The following RPTOR variants were observed in gnomAD, a reference collection of about 807,000 sequenced individuals.
RPTOR encodes regulatory-associated protein of mTOR.
A neutral mutation model predicts 169.9 loss-of-function variants in RPTOR; 21 were observed. That is an observed-to-expected ratio of 0.12 (90% confidence interval 0.09 to 0.18). The LOEUF (loss-of-function observed/expected upper bound fraction) is 0.18. RPTOR is among the 10% of genes least tolerant of loss of function. The pLI is 1.00. For synonymous variants in RPTOR, 732 were observed against 753.2 expected (o/e 0.97, Z 0.46); for missense variants, 1,133 against 1,855.9 (o/e 0.61, Z 7.16).
At chr17:80,594,130 A>T (rs187595614) in intron 1 of RPTOR, among the ~76,000 whole-genome samples, 1 of 150,824 alleles carries the variant, frequency 6.6e-6, no homozygotes, top group South Asian at 2.1e-4. Flanking sequence ...GTCTCGCTCT[A>T]TCACCCAGGC....
At chr17:80,716,909 T>C (rs1383775481) in intron 4 of RPTOR, among the ~76,000 whole-genome samples, 2 of 152,204 alleles carry the variant, frequency 1.3e-5, no homozygotes, top group Non-Finnish European at 2.9e-5. Flanking sequence ...GAGTTCTCTA[T>C]TGTGTTCCGT....
At chr17:80,932,674 C>T (rs2068912400) in intron 24 of RPTOR, among the ~76,000 whole-genome samples, 2 of 152,190 alleles carry the variant, frequency 1.3e-5, no homozygotes, top group Non-Finnish European at 2.9e-5. Flanking sequence ...CAAAATGAAG[C>T]ACAAAGACTA....
intron 7 of RPTOR, among the ~76,000 whole-genome samples, chr17:80,814,689 A>G (rs2138125): frequency 0.51 from 77,502 of 152,100 alleles, 20,151 homozygotes; most frequent in African/African-American, 0.6. Context: ...AAATATGTAC[A>G]CGGCATCTGT....
chr17:80,858,272 T>G, intron 13 of RPTOR: 1 of 281,860 alleles, frequency 3.5e-6, no homozygotes. Context: ...TGGCATAAAC[T>G]TGGCCTCTGC....
At chr17:80,953,522 C>G (rs2069209081) in intron 28 of RPTOR, among the ~76,000 whole-genome samples, 1 of 152,252 alleles carries the variant, frequency 6.6e-6, no homozygotes, top group East Asian at 1.9e-4. Context: ...TGCCCCAGGT[C>G]TCAGAGTGGG....
chr17:80,579,736 A>G (rs140835519), intron 1 of RPTOR, among the ~76,000 whole-genome samples: 354 of 152,358 alleles, frequency 2.3e-3, no homozygotes, highest in Admixed American at 4.6e-3. Flanking sequence ...TGTAAATGAA[A>G]AAGTTCAACC....
In RPTOR at chr17:80,878,897, C is replaced by T. The variant is rs1305215637; in HGVS notation, c.1510-1518C>T. On this transcript the variant is annotated intron_variant, in intron 13 of 33. Coordinates refer to ENST00000306801, the MANE Select transcript of RPTOR (RefSeq NM_020761.3). This position sits in a 1 kb window ranked among gnomAD's most constrained non-coding sequence, Gnocchi z 4.1. ...CCGGTAACACTGCCAGCCTCAGAGC[C>T]GGCCTGTTTCCTCCAGGACGCCCAC... Among the ~76,000 whole-genome samples, 1 of 152,164 alleles carries T rather than the reference C, an allele frequency of 6.6e-6. No individual in the cohort carries two copies. Among genetic ancestry groups the T allele is most frequent in the African/African-American group, 2.4e-5 (1 of 41,438 alleles).
chr17:80,693,198 C>G (rs1363655696), intron 3 of RPTOR, among the ~76,000 whole-genome samples: 3 of 152,202 alleles, frequency 2.0e-5, no homozygotes, highest in African/African-American at 7.2e-5. Context: ...GTCGTGTGCT[C>G]ATGTGCTGTG....
At chr17:80,825,364 T>C (rs1431078838) in intron 9 of RPTOR, among the ~76,000 whole-genome samples, 1 of 150,090 alleles carries the variant, frequency 6.7e-6, no homozygotes, top group East Asian at 2.0e-4. Flanking sequence ...CGTGGCGAGG[T>C]TGGCACAGGG....
In RPTOR at chr17:80,799,721, CTGG is replaced by C. The variant is rs1465908029; in HGVS notation, c.890+8213_890+8215del. 7.7e-3 allele frequency among the ~76,000 whole-genome samples: 1,163 copies of C among 151,630 alleles called. 15 individuals are homozygous for C. Among genetic ancestry groups the C allele is most frequent in the African/African-American group, 0.023 (952 of 41,304 alleles). On this transcript the variant is annotated intron_variant, in intron 7 of 33. Coordinates refer to ENST00000306801, the MANE Select transcript of RPTOR (RefSeq NM_020761.3). Reference sequence around the variant, plus strand: ...CACGCTCTGCACACCCCTCCCCTCCCTGGCGGCCGCCCTGCACACCCCTTCCCT... The same window carrying C: ...CACGCTCTGCACACCCCTCCCCTCCCCGGCCGCCCTGCACACCCCTTCCCT...
intron 4 of RPTOR, among the ~76,000 whole-genome samples, chr17:80,720,308 A>G (rs965939515): frequency 1.1e-4 from 16 of 152,018 alleles, no homozygotes; most frequent in African/African-American, 3.9e-4. Context: ...AAAAAAAAAG[A>G]TGGATCATAA....
chr17:80,885,253 T>C, intron 17 of RPTOR, 105 bp downstream of exon 17: 15 of 1,277,150 alleles, frequency 1.2e-5, no homozygotes, highest in Non-Finnish European at 1.5e-5. Flanking sequence ...GCACTCAGTT[T>C]CCACTGCGTG....
chr17:80,628,854 A>G (rs1340275454), intron 2 of RPTOR, among the ~76,000 whole-genome samples: 1 of 152,012 alleles, frequency 6.6e-6, no homozygotes, highest in Admixed American at 6.6e-5. Flanking sequence ...AAAAGTTCCC[A>G]TTATCTTTTC....
At chr17:80,842,825 TC>T (rs2067685848) in intron 10 of RPTOR, among the ~76,000 whole-genome samples, 1 of 152,186 alleles carries the variant, frequency 6.6e-6, no homozygotes, top group Admixed American at 6.5e-5. Flanking sequence ...ACATTTCACG[TC>T]CCCCGTGAAT....
rs146461501 is a variant in RPTOR, at chr17:80,959,073, G to A, written c.3478-1005G>A. ...CAGGCCCAGCAGAGGGGAGGCCTGGGCACCCTCAGCTGCTCGAAGCTGCTG... is the reference window on the plus strand; with the variant it reads ...CAGGCCCAGCAGAGGGGAGGCCTGGACACCCTCAGCTGCTCGAAGCTGCTG... On this transcript the variant is annotated intron_variant, in intron 29 of 33. Coordinates refer to ENST00000306801, the MANE Select transcript of RPTOR (RefSeq NM_020761.3). The surrounding 1 kb of genome is among the most constrained non-coding windows in gnomAD (Gnocchi z 6.7). Among the ~76,000 whole-genome samples the A allele has an allele frequency of 1.1e-3, 172 of 152,364 alleles. No individual in the cohort carries two copies. The highest frequency in any genetic ancestry group is 3.8e-3 in the African/African-American group (158 of 41,594).
chr17:80,650,960 A>T (rs922082179), intron 3 of RPTOR, among the ~76,000 whole-genome samples: 1 of 152,158 alleles, frequency 6.6e-6, no homozygotes, highest in Non-Finnish European at 1.5e-5. Flanking sequence ...CCTCTCGAGG[A>T]TATTATCTCT....
chr17:80,946,645 C>T (rs563611972), intron 26 of RPTOR, among the ~76,000 whole-genome samples: 5 of 152,252 alleles, frequency 3.3e-5, no homozygotes, highest in Middle Eastern at 3.2e-3. Flanking sequence ...AGCTACAGCA[C>T]GTCAGAATTT....
chr17:80,898,343 T>G (rs1420338229), intron 20 of RPTOR, among the ~76,000 whole-genome samples: 1 of 152,236 alleles, frequency 6.6e-6, no homozygotes, highest in East Asian at 1.9e-4. Flanking sequence ...CCCCGTTTAT[T>G]CCTATTGTTG....
chr17:80,628,667 G>T (rs548346725), intron 2 of RPTOR, among the ~76,000 whole-genome samples: 12 of 151,558 alleles, frequency 7.9e-5, no homozygotes, highest in Admixed American at 5.9e-4. Context: ...TTAGAGATGG[G>T]TGTCTCTCAA....
Sources: allele counts gnomAD v4.1 joint callset (sites outside exome capture counted in the v4.1 genomes callset), GRCh38; gene constraint gnomAD v4.1.1; non-coding constraint Gnocchi (gnomAD v3.1); transcripts MANE v1.5; gene names NCBI Gene and HGNC (gene_info 2026-07-23, HGNC 2026-07-21).